NUP98: variants seen among roughly 807,000 people sequenced by gnomAD.
The protein encoded by NUP98 is nuclear pore complex protein Nup98-Nup96.
NUP98 carries 26 observed loss-of-function variants against 191.9 expected under a neutral mutation model. That is an observed-to-expected ratio of 0.14 (90% CI 0.10 to 0.19). NUP98 has a LOEUF of 0.19. NUP98 is among the 10% of genes least tolerant of loss of function. The probability of loss-of-function intolerance (pLI) is 1.00; values close to 1 mark genes in which losing one functional copy is unlikely to be tolerated. For missense variants in NUP98, 1,941 were observed against 2,178.8 expected (o/e 0.89, Z 2.17); for synonymous variants, 808 against 778.4 (o/e 1.04, Z -0.63).
At chr11:3,717,164 T>A (rs1017990809) in intron 18 of NUP98, among the ~76,000 whole-genome samples, 6 of 152,092 alleles carry the variant, frequency 3.9e-5, no homozygotes, top group Non-Finnish European at 7.4e-5. Context: ...CTGGCGAATT[T>A]TTGTATTTTT....
In NUP98 at chr11:3,700,677, T is replaced by A; in HGVS notation, c.3675A>T (p.Gly1225=). 1 of 1,614,208 alleles carries A rather than the reference T, an allele frequency of 6.2e-7. No homozygotes were observed. Among genetic ancestry groups the A allele is most frequent in the Non-Finnish European group, 8.5e-7 (1 of 1,180,028 alleles). The change falls in exon 24 of 33, where the codon GGA becomes GGT. Residue 1225 remains glycine, a synonymous_variant. Coordinates refer to ENST00000324932, the MANE Select transcript of NUP98 (RefSeq NM_016320.5). ...CTGCATAGTCATGAATGACAGCAACTCCCAGATTGGGGACAATGAGAGGAC... is the reference window on the plus strand; with the variant it reads ...CTGCATAGTCATGAATGACAGCAACACCCAGATTGGGGACAATGAGAGGAC... ...ELCPLIVPNL[G]VAVIHDYADW... is the part of the protein sequence containing the mutation.
chr11:3,786,172 G>T (rs1227487405), intron 1 of NUP98, among the ~76,000 whole-genome samples: 1 of 152,198 alleles, frequency 6.6e-6, no homozygotes, highest in South Asian at 2.1e-4. Flanking sequence ...AATGCTTCTA[G>T]AGTCTAGAGC....
At chr11:3,758,035 A>T (rs1207638705) in intron 10 of NUP98, among the ~76,000 whole-genome samples, 1 of 151,310 alleles carries the variant, frequency 6.6e-6, no homozygotes, top group African/African-American at 2.4e-5. Flanking sequence ...AAGAAAAAAC[A>T]GGCCAGGCGT....
intron 6 of NUP98, among the ~76,000 whole-genome samples, chr11:3,772,306 T>C (rs2081556048): frequency 6.6e-6 from 1 of 152,210 alleles, no homozygotes; most frequent in Non-Finnish European, 1.5e-5. Context: ...GCAAAAAATT[T>C]AGAAAATAAA....
intron 24 of NUP98, among the ~76,000 whole-genome samples, chr11:3,699,823 G>C (rs11029123): frequency 0.051 from 7,830 of 152,170 alleles, 454 homozygotes; most frequent in South Asian, 0.17. Flanking sequence ...TGTGGCATAG[G>C]ACATTCTAAA....
chr11:3,697,169 T>G (rs908754215), intron 25 of NUP98: 1 of 151,648 alleles, frequency 6.6e-6, no homozygotes, highest in Non-Finnish European at 1.5e-5. Context: ...CCCAGCACTT[T>G]GGGAGGCTGA....
rs186997115 is a variant in NUP98 at position 3,686,873 on chromosome 11, G to C, written c.4455-679C>G. On this transcript the variant is annotated intron_variant, in intron 28 of 32. Transcript: ENST00000324932. ...GTGGTAGTGCATGCCTGTATTCCCG[G>C]CTACTCAGGAGGCTGTGGCACAAGA... Among the ~76,000 whole-genome samples, 855 of 152,170 alleles carry C rather than the reference G, an allele frequency of 5.6e-3. 3 individuals carry two copies. The highest frequency in any genetic ancestry group is 8.5e-3 in the Non-Finnish European group (577 of 68,010).
intron 30 of NUP98, among the ~76,000 whole-genome samples, chr11:3,680,563 T>C (rs970520346): frequency 2.6e-5 from 4 of 152,170 alleles, no homozygotes; most frequent in Admixed American, 2.0e-4. Flanking sequence ...TATTTTTTTG[T>C]TGGGGTCTCA....
In NUP98 at chr11:3,731,500, T is replaced by C. The variant is rs1247689737; in HGVS notation, c.1621A>G (p.Thr541Ala). Reference sequence around the variant, plus strand: ...TGTAAAGCCTTTGGCCGGACTCTAGTGGCAGGGCGGGGTGTCAGTTTATAA... The same window carrying C: ...TGTAAAGCCTTTGGCCGGACTCTAGCGGCAGGGCGGGGTGTCAGTTTATAA... ...THYKLTPRPA[T>A]RVRPKALQTT... Residue 541 changes from threonine to alanine, a missense_variant, in exon 14 of 33, where the codon ACT (threonine) becomes GCT (alanine). By Grantham distance (58) the Thr-to-Ala change is moderately conservative. Coordinates refer to ENST00000324932, the MANE Select transcript of NUP98 (RefSeq NM_016320.5). 15 of 1,609,084 alleles carry C rather than the reference T, an allele frequency of 9.3e-6. No homozygotes were observed. Among genetic ancestry groups the C allele is most frequent in the Middle Eastern group, 1.7e-4 (1 of 6,030 alleles).
At chr11:3,736,973 A>G (rs2080088259) in intron 12 of NUP98, among the ~76,000 whole-genome samples, 1 of 152,306 alleles carries the variant, frequency 6.6e-6, no homozygotes, top group Non-Finnish European at 1.5e-5. Flanking sequence ...TCTGTTATCA[A>G]TTGCAGAGAA....
rs1259105482 is a variant in NUP98 at position 3,724,789 on chromosome 11, A to AAAAAAAAAAAAAAAAAAAG, written c.1847+313_1847+314insCTTTTTTTTTTTTTTTTTT. 6.9e-4 allele frequency among the ~76,000 whole-genome samples: 104 copies of AAAAAAAAAAAAAAAAAAAG among 150,316 alleles called. 2 individuals are homozygous for AAAAAAAAAAAAAAAAAAAG. The highest frequency in any genetic ancestry group is 2.5e-3 in the African/African-American group (101 of 40,552). On this transcript the variant is annotated intron_variant, in intron 15 of 32. Transcript: ENST00000324932. The stretch of plus-strand genomic sequence containing the variant: ...GAGTGAGACTCTGTCTCAAAAAAAA[A>AAAAAAAAAAAAAAAAAAAG]AAAGAAAGAAAATCATCACAGACAA...
intron 20 of NUP98, among the ~76,000 whole-genome samples, chr11:3,709,378 A>C (rs891091786): frequency 8.5e-5 from 13 of 152,084 alleles, no homozygotes; most frequent in Non-Finnish European, 1.5e-5. Flanking sequence ...ATCTCCACAA[A>C]AAATAATCAC....
At chr11:3,770,869 G>A (rs532507893) in intron 7 of NUP98, among the ~76,000 whole-genome samples, 1 of 151,524 alleles carries the variant, frequency 6.6e-6, no homozygotes, top group South Asian at 2.1e-4. Context: ...TTTCTTTTCC[G>A]TCCTTTTTAT....
chr11:3,710,407 T>A (rs2078995800), intron 20 of NUP98, among the ~76,000 whole-genome samples: 1 of 152,198 alleles, frequency 6.6e-6, no homozygotes, highest in Non-Finnish European at 1.5e-5. Context: ...TTGCTTTTTT[T>A]AAGAGCAAAA....
intron 2 of NUP98, among the ~76,000 whole-genome samples, chr11:3,779,625 G>A (rs2081881596): frequency 7.6e-6 from 1 of 131,286 alleles, no homozygotes; most frequent in Non-Finnish European, 1.6e-5. Context: ...GGGGCAACAA[G>A]TGTGAAACGC....
At chr11:3,701,419 C>G (rs12281006) in intron 23 of NUP98, among the ~76,000 whole-genome samples, 28,647 of 151,644 alleles carry the variant, frequency 0.19, 2,869 homozygotes, top group Middle Eastern at 0.24. Context: ...GCACCACCAC[C>G]CTGGGCTAAT....
In NUP98 at chr11:3,725,238, A is replaced by T; in HGVS notation, c.1731-19T>A. The T allele has an allele frequency of 8.4e-7, 1 of 1,194,510 alleles. No individual in the cohort carries two copies. The highest frequency in any genetic ancestry group is 1.5e-5 in the African/African-American group (1 of 65,662). The allele number at this position is 1,194,510 out of a possible 1,614,324, so 74.0% of individuals were successfully genotyped here. A position where few individuals can be genotyped will look rare whatever the true frequency, so the allele number is the denominator to read the frequency against. ...GCTCTTCCTATAAACAAGAAACCAA[A>T]AGAAGAAGAAAAAAATTACTCAGGC... On this transcript the variant is annotated intron_variant, in intron 14 of 32. Coordinates refer to ENST00000324932, the MANE Select transcript of NUP98 (RefSeq NM_016320.5).
intron 4 of NUP98, among the ~76,000 whole-genome samples, chr11:3,778,486 A>G (rs2081834085): frequency 6.6e-6 from 1 of 152,194 alleles, no homozygotes; most frequent in Non-Finnish European, 1.5e-5. Flanking sequence ...ACCAAATATA[A>G]AACAGAGACA....
At chr11:3,750,276 AG>A (rs1484397761) in intron 11 of NUP98, among the ~76,000 whole-genome samples, 3 of 150,998 alleles carry the variant, frequency 2.0e-5, no homozygotes, top group Non-Finnish European at 1.5e-5. Flanking sequence ...CATGCCACCA[AG>A]CCCAGCTAAC....
Sources: allele counts gnomAD v4.1 joint callset (sites outside exome capture counted in the v4.1 genomes callset), GRCh38; gene constraint gnomAD v4.1.1; transcripts MANE v1.5; gene names NCBI Gene and HGNC (gene_info 2026-07-23, HGNC 2026-07-21).